The following ATRNL1 variants were observed in gnomAD, a reference collection of about 807,000 sequenced individuals.
The protein encoded by ATRNL1 is attractin like 1.
Under a neutral mutation model 182.7 loss-of-function variants are expected in ATRNL1, and 95 were observed. The observed-to-expected ratio is 0.52, with a 90% CI of 0.44 to 0.62. ATRNL1 has a LOEUF of 0.62. ATRNL1 is among the 20% of genes least tolerant of loss of function. The pLI, the probability that ATRNL1 is intolerant of heterozygous loss-of-function variation, is 0.00. For synonymous variants in ATRNL1, 576 were observed against 568.3 expected (o/e 1.01, Z -0.19); for missense variants, 1,471 against 1,679.5 (o/e 0.88, Z 2.17).
At chr10:115,228,107 G>A (rs1248135485) in intron 9 of ATRNL1, among the ~76,000 whole-genome samples, 2 of 151,960 alleles carry the variant, frequency 1.3e-5, no homozygotes, top group African/African-American at 2.4e-5. Context: ...CTTCTTATAT[G>A]CTAAAAGATT....
chr10:115,411,944 T>C (rs1196165684), intron 20 of ATRNL1, among the ~76,000 whole-genome samples: 1 of 152,188 alleles, frequency 6.6e-6, no homozygotes, highest in Non-Finnish European at 1.5e-5. Flanking sequence ...ATTAATTATC[T>C]ATGACTTCTG....
chr10:115,271,013 A>G (rs111486420), intron 13 of ATRNL1, among the ~76,000 whole-genome samples: 1 of 152,162 alleles, frequency 6.6e-6, no homozygotes, highest in South Asian at 2.1e-4. Flanking sequence ...CTTTCCCAGA[A>G]AAGGAGGTAA....
At chr10:115,116,548 A>G (rs182172508) in intron 1 of ATRNL1, among the ~76,000 whole-genome samples, 2 of 152,222 alleles carry the variant, frequency 1.3e-5, no homozygotes, top group East Asian at 1.9e-4. Context: ...AAGAGGTCCA[A>G]AGTATGTAAT....
intron 8 of ATRNL1, among the ~76,000 whole-genome samples, chr10:115,187,653 TAGAA>T (rs1335924791): frequency 6.7e-6 from 1 of 149,932 alleles, no homozygotes; most frequent in South Asian, 2.1e-4. Context: ...TTATGTATAA[TAGAA>T]AGAGGGTGCT....
chr10:115,182,834 C>T (rs1476215653), intron 8 of ATRNL1, among the ~76,000 whole-genome samples: 1 of 151,350 alleles, frequency 6.6e-6, no homozygotes, highest in East Asian at 1.9e-4. Context: ...AAACCACAGG[C>T]AGTGAAGAGA....
chr10:115,833,002 G>A (rs1178636857), intron 27 of ATRNL1, among the ~76,000 whole-genome samples: 1 of 151,900 alleles, frequency 6.6e-6, no homozygotes, highest in African/African-American at 2.4e-5. Flanking sequence ...ATTTTAGTGA[G>A]ATTTTTAAAA....
At chr10:115,422,486 A>G (rs1418401257) in intron 20 of ATRNL1, among the ~76,000 whole-genome samples, 2 of 152,110 alleles carry the variant, frequency 1.3e-5, no homozygotes, top group African/African-American at 4.8e-5. Flanking sequence ...GAACCACAAT[A>G]TGATACCGTC....
intron 5 of ATRNL1, among the ~76,000 whole-genome samples, chr10:115,133,737 A>C (rs1554875831): frequency 2.6e-5 from 4 of 152,208 alleles, no homozygotes; most frequent in Non-Finnish European, 5.9e-5. Flanking sequence ...AATTCGACAG[A>C]AGATACATTC....
intron 5 of ATRNL1, among the ~76,000 whole-genome samples, chr10:115,131,179 G>A (rs782711646): frequency 3.3e-5 from 5 of 152,018 alleles, no homozygotes; most frequent in Middle Eastern, 3.4e-3. Flanking sequence ...CACTTTTAAA[G>A]CAAAGTTATA....
intron 20 of ATRNL1, among the ~76,000 whole-genome samples, chr10:115,412,796 T>C (rs991313065): frequency 1.3e-5 from 2 of 152,316 alleles, no homozygotes; most frequent in African/African-American, 4.8e-5. Flanking sequence ...AATAAATGAG[T>C]TAAACTATTT....
intron 27 of ATRNL1, among the ~76,000 whole-genome samples, chr10:115,820,973 A>G (rs2134282024): frequency 6.6e-6 from 1 of 152,056 alleles, no homozygotes; most frequent in South Asian, 2.1e-4. Context: ...GTGAGTTCTC[A>G]TGAGATCTCA....
chr10:115,871,674 T>C (rs1951590271), intron 28 of ATRNL1, among the ~76,000 whole-genome samples: 1 of 151,976 alleles, frequency 6.6e-6, no homozygotes, highest in Non-Finnish European at 1.5e-5. Context: ...CTCTGGGCTA[T>C]CATGGATAAT....
intron 28 of ATRNL1, among the ~76,000 whole-genome samples, chr10:115,864,753 T>C (rs1224851793): frequency 1.3e-5 from 2 of 151,844 alleles, no homozygotes; most frequent in African/African-American, 2.4e-5. Flanking sequence ...GAGGCCGAGG[T>C]GGGCGGATCA....
intron 6 of ATRNL1, among the ~76,000 whole-genome samples, chr10:115,161,556 A>G (rs1404569417): frequency 1.3e-5 from 2 of 152,186 alleles, no homozygotes; most frequent in East Asian, 3.9e-4. Context: ...AACATTGTCA[A>G]CAAGGAAGTT....
intron 26 of ATRNL1, among the ~76,000 whole-genome samples, chr10:115,561,688 T>TGGGG (rs71010028): frequency 1.7e-5 from 2 of 116,082 alleles, no homozygotes; most frequent in African/African-American, 6.1e-5. Flanking sequence ...TGTGTGTGTG[T>TGGGG]GGGTGTGTGT....
intron 24 of ATRNL1, among the ~76,000 whole-genome samples, chr10:115,514,484 A>AAT (rs527584637): frequency 2.0e-5 from 3 of 151,386 alleles, no homozygotes; most frequent in East Asian, 1.9e-4. Flanking sequence ...ATGTAAAAAA[A>AAT]ATATATAGAG....
chr10:115,402,445 C>A (rs1302377184), intron 20 of ATRNL1, among the ~76,000 whole-genome samples: 4 of 152,188 alleles, frequency 2.6e-5, no homozygotes, highest in Admixed American at 2.0e-4. Context: ...TTTATCCCCA[C>A]TCACAACCAT....
intron 9 of ATRNL1, among the ~76,000 whole-genome samples, chr10:115,230,917 G>GAGAGAGAGAA (rs1849917158): frequency 3.6e-5 from 5 of 138,322 alleles, no homozygotes; most frequent in Non-Finnish European, 3.1e-5. Flanking sequence ...GAGAGAGAGA[G>GAGAGAGAGAA]AGAGAAAGAG....
At chr10:115,672,688 A>G (rs946335029) in intron 26 of ATRNL1, among the ~76,000 whole-genome samples, 23 of 152,072 alleles carry the variant, frequency 1.5e-4, no homozygotes, top group African/African-American at 5.3e-4. Flanking sequence ...CTTATTACTA[A>G]AAAAAGATTA....
Sources: gnomAD v4.1 joint callset for allele counts (sites outside exome capture counted in the v4.1 genomes callset) on GRCh38, gnomAD v4.1.1 for gene constraint, MANE v1.5 for transcripts, NCBI Gene and HGNC (gene_info 2026-07-23, HGNC 2026-07-21) for gene names.